The following MCTP1 variants were observed in gnomAD, a reference collection of about 807,000 sequenced individuals.
MCTP1 encodes multiple C2 and transmembrane domain containing 1.
In MCTP1, 69 loss-of-function variants were observed where a neutral mutation model predicts 120.6. The ratio of observed to expected loss-of-function variants is 0.57; its 90% confidence interval spans 0.47 to 0.70. The LOEUF is 0.70. MCTP1 is among the 30% of genes least tolerant of loss of function. The pLI is 0.00. For synonymous variants in MCTP1, 529 were observed against 493.1 expected, an observed-to-expected ratio of 1.07 and a Z score of -0.96; for missense variants, 1,203 against 1,248.8, an observed-to-expected ratio of 0.96 and a Z score of 0.55.
At chr5:94,784,234 G>A (rs535432723) in intron 18 of MCTP1, among the ~76,000 whole-genome samples, 10 of 152,126 alleles carry the variant, frequency 6.6e-5, no homozygotes, top group African/African-American at 2.4e-4. Context: ...GGGGAGGGTA[G>A]TATTCTTCAA....
chr5:94,900,262 C>T lies in MCTP1; in HGVS notation c.1653-5427G>A, dbSNP rs1805158990. 2.0e-5 allele frequency among the ~76,000 whole-genome samples: 3 copies of T among 152,344 alleles called. No homozygotes were observed. In the South Asian group the frequency reaches 6.2e-4, roughly 32 times the overall value. ...GCATGGCTAATTTTTTACCAATTCT[C>T]ATTGAAATAACTTGCAGCTGTCTTT... On this transcript the variant is annotated intron_variant, in intron 10 of 22. Coordinates refer to ENST00000515393, the MANE Select transcript of MCTP1 (RefSeq NM_024717.7).
intron 3 of MCTP1, among the ~76,000 whole-genome samples, chr5:94,947,555 A>AATATAT (rs377155852): frequency 0.025 from 991 of 39,076 alleles, 91 homozygotes; most frequent in African/African-American, 0.062. Context: ...TAGTTTACTA[A>AATATAT]ATATATATAT....
chr5:94,839,525 AAAAT>A lies in MCTP1; in HGVS notation c.2436+28804_2436+28807del, dbSNP rs547525081. Among the ~76,000 whole-genome samples, 507 of 152,298 alleles carry A rather than the reference AAAAT, an allele frequency of 3.3e-3. 2 individuals are homozygous for A. The highest frequency in any genetic ancestry group is 5.3e-3 in the Non-Finnish European group (358 of 68,028). ...CTCGGTAGTAATTTTAAAAAGATAT[AAAAT>A]AAACATGAAAATGGCTCAGAATAGA... On this transcript the variant is annotated intron_variant, in intron 17 of 22. Transcript: ENST00000515393.
intron 1 of MCTP1, among the ~76,000 whole-genome samples, chr5:95,067,978 C>T (rs538235224): frequency 2.7e-4 from 41 of 152,258 alleles, no homozygotes; most frequent in African/African-American, 9.4e-4. Flanking sequence ...CTCTGGTAAC[C>T]ACTTTTCCAC....
chr5:94,731,131 G>A (rs1763047416), intron 19 of MCTP1, among the ~76,000 whole-genome samples: 1 of 151,952 alleles, frequency 6.6e-6, no homozygotes, highest in Non-Finnish European at 1.5e-5. Flanking sequence ...ATTTTTTTTG[G>A]TATAGTTTCT....
intron 1 of MCTP1, among the ~76,000 whole-genome samples, chr5:95,113,089 T>C (rs887179118): frequency 1.3e-5 from 2 of 151,820 alleles, no homozygotes; most frequent in African/African-American, 4.8e-5. Flanking sequence ...GCATAAGAAA[T>C]GGAATTTTTA....
chr5:94,762,486 T>C (rs1771583059), intron 19 of MCTP1, among the ~76,000 whole-genome samples: 1 of 152,170 alleles, frequency 6.6e-6, no homozygotes, highest in South Asian at 2.1e-4. Flanking sequence ...ACTGAATGGG[T>C]AAAAGATACT....
At chr5:94,959,687 C>T (rs1406703914) in intron 2 of MCTP1, among the ~76,000 whole-genome samples, 2 of 152,094 alleles carry the variant, frequency 1.3e-5, no homozygotes, top group Admixed American at 1.3e-4. Flanking sequence ...AAAGAGAATA[C>T]AATACCTAGG....
intron 18 of MCTP1, among the ~76,000 whole-genome samples, chr5:94,780,297 T>C (rs1227981916): frequency 6.6e-6 from 1 of 151,936 alleles, no homozygotes; most frequent in Non-Finnish European, 1.5e-5. Flanking sequence ...ACAGGAATAT[T>C]CTATTGGTGT....
chr5:94,779,161 T>C lies in MCTP1; in HGVS notation c.2559A>G (p.Val853=), dbSNP rs1776066964. The part of the protein sequence containing the change: ...SGKDNRQRDT[V]VEDMLEDEEE... Reference sequence around the variant, plus strand: ...CCTCGTCCTCTAGCATGTCCTCCACTACCTGCAGAGAGAAACAGAAGTCGT... The same window carrying C: ...CCTCGTCCTCTAGCATGTCCTCCACCACCTGCAGAGAGAAACAGAAGTCGT... Residue 853 remains valine (V), a splice_region_variant and synonymous_variant, in exon 19 of 23, where the codon GTA becomes GTG. Coordinates refer to ENST00000515393, the MANE Select transcript of MCTP1 (RefSeq NM_024717.7). 6.2e-7 allele frequency: 1 copy of C among 1,613,320 alleles called. No homozygotes were observed. The highest frequency in any genetic ancestry group is 1.7e-5 in the Admixed American group (1 of 59,982).
rs80102396 is a variant in MCTP1 at position 94,782,756 on chromosome 5, C to T, written c.2557-3593G>A. Among the ~76,000 whole-genome samples, 894 of 152,208 alleles carry T rather than the reference C, an allele frequency of 5.9e-3. 5 individuals are homozygous for T. Among genetic ancestry groups the T allele is most frequent in the African/African-American group, 0.021 (866 of 41,550 alleles). On this transcript the variant is annotated intron_variant, in intron 18 of 22. Transcript: ENST00000515393. ...GTTTTGTTTTCAAGTATACAAAGTC[C>T]AGTTGCCCAAACACTTGTGGGCAAT...
At chr5:95,221,066 C>A (rs1753639182) in intron 1 of MCTP1, among the ~76,000 whole-genome samples, 1 of 152,150 alleles carries the variant, frequency 6.6e-6, no homozygotes, top group African/African-American at 2.4e-5. Flanking sequence ...TAAAGAGTGT[C>A]CGAAATATGC....
chr5:94,872,366 C>A (rs1463307319), intron 13 of MCTP1, among the ~76,000 whole-genome samples: 1 of 151,940 alleles, frequency 6.6e-6, no homozygotes, highest in African/African-American at 2.4e-5. Flanking sequence ...ATGTGGAATT[C>A]CTTAAAAATA....
At chr5:95,004,954 T>A (rs1363682650) in intron 2 of MCTP1, among the ~76,000 whole-genome samples, 1 of 152,142 alleles carries the variant, frequency 6.6e-6, no homozygotes, top group African/African-American at 2.4e-5. Flanking sequence ...GCTTGCAACA[T>A]GTTCCTGGAA....
chr5:94,873,670 C>A (rs898983432), intron 12 of MCTP1, among the ~76,000 whole-genome samples: 2 of 151,930 alleles, frequency 1.3e-5, no homozygotes, highest in Admixed American at 6.6e-5. Context: ...TCACTATTAA[C>A]TTGTAACAGG....
chr5:94,908,103 G>A (rs1347497227), intron 10 of MCTP1, among the ~76,000 whole-genome samples: 1 of 152,004 alleles, frequency 6.6e-6, no homozygotes, highest in Non-Finnish European at 1.5e-5. Flanking sequence ...ATAATGAAAT[G>A]CATTTAATGT....
chr5:94,952,860 T>C lies in MCTP1; in HGVS notation c.981+359A>G, dbSNP rs1820973078. Among the ~76,000 whole-genome samples the C allele has an allele frequency of 2.0e-5, 3 of 152,028 alleles. No individual in the cohort carries two copies. The South Asian group carries it at 6.2e-4, about 32-fold the overall frequency. ...GCCAGAAATGGCAGATCTTAACTAA[T>C]ACAATTTTTAAACAGAAAGACTGGG... On this transcript the variant is annotated intron_variant, in intron 3 of 22. Transcript: ENST00000515393.
At chr5:95,068,929 T>C in intron 1 of MCTP1, 1 of 470,634 alleles carries the variant, frequency 2.1e-6, no homozygotes, top group Non-Finnish European at 3.2e-6. Context: ...TTAGGCTTAG[T>C]TCCAGGGGAA....
rs571466001 is a variant in MCTP1, at chr5:95,245,511, C to T, written c.720+38345G>A. On this transcript the variant is annotated intron_variant, in intron 1 of 22. Transcript: ENST00000515393. ...CCTGATGGAGCTGAAAACCACAGCA[C>T]GAGAACTTTGTGATGCATGCACAAG... is the stretch of plus-strand genomic sequence containing the variant. 2.7e-3 allele frequency among the ~76,000 whole-genome samples: 413 copies of T among 151,910 alleles called. 2 individuals carry two copies. The highest frequency in any genetic ancestry group is 9.5e-3 in the African/African-American group (392 of 41,386).
Sources: gnomAD v4.1 joint callset for allele counts (sites outside exome capture counted in the v4.1 genomes callset) on GRCh38, gnomAD v4.1.1 for gene constraint, MANE v1.5 for transcripts, NCBI Gene and HGNC (gene_info 2026-07-23, HGNC 2026-07-21) for gene names.